Variants in CRY2 observed in about 807,000 individuals in gnomAD.
CRY2 encodes cryptochrome circadian regulator 2, also known as cryptochrome-2.
In CRY2, 31 loss-of-function variants were observed where a neutral mutation model predicts 69.5. That is an observed-to-expected ratio of 0.45 (90% CI 0.34 to 0.60). The LOEUF (loss-of-function observed/expected upper bound fraction) is 0.60, where lower values mean the gene tolerates loss of function less well. Among genes scored for constraint, CRY2 ranks in the 20% least tolerant of loss-of-function variants. The pLI, the probability that CRY2 is intolerant of heterozygous loss-of-function variation, is 0.02. For missense variants in CRY2, 606 were observed against 797.8 expected (o/e 0.76, Z 2.90); for synonymous variants, 303 against 312.2 (o/e 0.97, Z 0.31).
At chr11:45,870,689 C>G in intron 9 of CRY2, 153 bp from the exon 10 acceptor site, 1 of 1,110,608 alleles carries the variant, frequency 9.0e-7, no homozygotes, top group African/African-American at 1.5e-5. Flanking sequence ...CTGGGATGAA[C>G]TGGGCCTTCC....
chr11:45,852,583 C>T (rs566731497), intron 1 of CRY2, among the ~76,000 whole-genome samples: 3 of 152,314 alleles, frequency 2.0e-5, no homozygotes, highest in South Asian at 2.1e-4. Context: ...CTATTGCCTC[C>T]GTGTGGTGGC....
At position 45,882,265 on chromosome 11, in the gene CRY2, TGTGTGTGTGTGTGTGCGTGTGTGGTAC is replaced by T. The variant is rs1447256500; in HGVS notation, c.*1370_*1396del. 3 of 178,410 alleles carry T rather than the reference TGTGTGTGTGTGTGTGCGTGTGTGGTAC, an allele frequency of 1.7e-5. No homozygotes were observed. The highest frequency in any genetic ancestry group is 1.4e-4 in the East Asian group (1 of 7,004). 11.1% of individuals were successfully genotyped at this position (178,410 alleles called of 1,614,324 possible). The stretch of plus-strand genomic sequence containing the variant: ...TGTGGCCTGCACTTGAGCCACAAAG[TGTGTGTGTGTGTGTGCGTGTGTGGTAC>T]GTGTGTGTGTGTGTGGCTATGAGGC... On this transcript the variant is annotated 3_prime_UTR_variant, in exon 12 of 12. Coordinates refer to ENST00000616080, the MANE Select transcript of CRY2 (RefSeq NM_021117.5).
At chr11:45,852,301 G>C (rs531640687) in intron 1 of CRY2, among the ~76,000 whole-genome samples, 18 of 152,342 alleles carry the variant, frequency 1.2e-4, no homozygotes, top group Admixed American at 2.0e-4. Flanking sequence ...GCCCAGGCCA[G>C]TTTCCTTCAG....
chr11:45,855,860 C>A, intron 1 of CRY2, 122 bp from the exon 2 acceptor site: 1 of 849,482 alleles, frequency 1.2e-6, no homozygotes, highest in Admixed American at 1.8e-5. Flanking sequence ...GCCTCTCCAG[C>A]CCTAGTGATC....
chr11:45,847,681 C>T lies in CRY2; in HGVS notation c.191C>T (p.Ser64Phe), dbSNP rs772829598. Residue 64 changes from serine to phenylalanine, a missense_variant, in exon 1 of 12, where the codon TCC becomes TTC. Physicochemically the swap from Ser to Phe is radical, Grantham distance 155 (BLOSUM62 -2). Transcript: ENST00000616080. ...YILDPWFAAS[S>F]SVGINRWRFL... ...CTCGACCCGTGGTTCGCGGCCTCCT[C>T]CTCAGTCGGGATCAACCGATGGAGG... 7 of 1,582,036 alleles carry T rather than the reference C, an allele frequency of 4.4e-6. No homozygotes were observed. The African/African-American group carries it at 6.7e-5, about 15-fold the overall frequency.
At chr11:45,871,365 G>A (rs2086380729) in intron 10 of CRY2, among the ~76,000 whole-genome samples, 1 of 152,166 alleles carries the variant, frequency 6.6e-6, no homozygotes, top group East Asian at 1.9e-4. Flanking sequence ...GTGAGGAGCT[G>A]GAATGAGATG....
intron 1 of CRY2, among the ~76,000 whole-genome samples, chr11:45,847,941 G>C (rs913173015): frequency 1.3e-4 from 20 of 152,344 alleles, no homozygotes; most frequent in African/African-American, 3.6e-4. Flanking sequence ...GTGGAACGGA[G>C]ATCATGATCC....
At position 45,881,581 on chromosome 11, in the gene CRY2, TAC is replaced by T. The variant is rs1419141971; in HGVS notation, c.*676_*677del. 6.6e-6 allele frequency: 1 copy of T among 152,256 alleles called. No individual in the cohort carries two copies. The highest frequency in any genetic ancestry group is 1.5e-5 in the Non-Finnish European group (1 of 68,074). The allele number at this position is 152,256 out of a possible 1,614,324, so 9.4% of individuals were successfully genotyped here. A position where few individuals can be genotyped will look rare whatever the true frequency, so the allele number is the denominator to read the frequency against. On this transcript the variant is annotated 3_prime_UTR_variant, in exon 12 of 12. Coordinates refer to ENST00000616080, the MANE Select transcript of CRY2 (RefSeq NM_021117.5). ...AAAAGTTTCCACCACCCTACAGAAG[TAC>T]ACACAGATACCTGACTGGTGTGGGG...
intron 2 of CRY2, among the ~76,000 whole-genome samples, chr11:45,857,874 A>T (rs574943988): frequency 3.6e-4 from 55 of 152,356 alleles, no homozygotes; most frequent in African/African-American, 1.3e-3. Flanking sequence ...TGGCCCTGCT[A>T]AGGACCCAGT....
intron 11 of CRY2, among the ~76,000 whole-genome samples, chr11:45,876,539 G>A (rs2086426013): frequency 6.6e-6 from 1 of 152,176 alleles, no homozygotes; most frequent in African/African-American, 2.4e-5. Context: ...TCTCTCATTG[G>A]TCCAATTATT....
intron 1 of CRY2, among the ~76,000 whole-genome samples, chr11:45,853,259 G>A (rs1026982233): frequency 4.6e-5 from 7 of 152,152 alleles, no homozygotes; most frequent in South Asian, 4.1e-4. Context: ...GTAGAATAGT[G>A]CCTGTCATTG....
intron 1 of CRY2, among the ~76,000 whole-genome samples, 157 bp downstream of exon 1, chr11:45,847,862 G>A (rs2086164120): frequency 6.6e-6 from 1 of 152,238 alleles, no homozygotes; most frequent in Admixed American, 6.5e-5. Flanking sequence ...CTAACGCGCC[G>A]GTGGGCCAGG....
At chr11:45,872,922 C>A (rs2086397897) in intron 11 of CRY2, among the ~76,000 whole-genome samples, 1 of 152,190 alleles carries the variant, frequency 6.6e-6, no homozygotes. Flanking sequence ...CCTTGAGAAG[C>A]CTGGACAGAG....
intron 9 of CRY2, 93 bp downstream of exon 9, chr11:45,870,625 G>GA: frequency 6.9e-7 from 1 of 1,459,708 alleles, no homozygotes; most frequent in Non-Finnish European, 9.4e-7. Flanking sequence ...TGCAAAGGGA[G>GA]ACTGAGTGCT....
chr11:45,875,655 T>C (rs529489637), intron 11 of CRY2, among the ~76,000 whole-genome samples: 1 of 152,182 alleles, frequency 6.6e-6, no homozygotes, highest in Non-Finnish European at 1.5e-5. Flanking sequence ...ACTGTGAAGG[T>C]TGGGGGTGCA....
chr11:45,882,272 G>T lies in CRY2; in HGVS notation c.*1361G>T. 1 of 205,058 alleles carries T rather than the reference G, an allele frequency of 4.9e-6. No individual in the cohort carries two copies. The allele number at this position is 205,058 out of a possible 1,614,324, so 12.7% of individuals were successfully genotyped here. The stretch of plus-strand genomic sequence containing the variant: ...TGCACTTGAGCCACAAAGTGTGTGT[G>T]TGTGTGTGCGTGTGTGGTACGTGTG... On this transcript the variant is annotated 3_prime_UTR_variant, in exon 12 of 12. Coordinates refer to ENST00000616080, the MANE Select transcript of CRY2 (RefSeq NM_021117.5).
At chr11:45,849,984 A>AT (rs1231077215) in intron 1 of CRY2, among the ~76,000 whole-genome samples, 5 of 144,726 alleles carry the variant, frequency 3.5e-5, no homozygotes, top group Admixed American at 7.1e-5. Context: ...AGGTTTGGGG[A>AT]TTTTTTGTTT....
Position 45,882,930 on chromosome 11 carries a change from C to T in CRY2, c.*2019C>T. 1 of 385,710 alleles carries T rather than the reference C, an allele frequency of 2.6e-6. No homozygotes were observed. Among genetic ancestry groups the T allele is most frequent in the Non-Finnish European group, 4.6e-6 (1 of 218,322 alleles). 23.9% of individuals were successfully genotyped at this position (385,710 alleles called of 1,614,324 possible). A position where few individuals can be genotyped will look rare whatever the true frequency, so the allele number is the denominator to read the frequency against. ...TTCTCCACCATCCCTAGCATGTCAG[C>T]CCGTTCCCAGATCAACCTGCCAGTG... On this transcript the variant is annotated 3_prime_UTR_variant, in exon 12 of 12. Transcript: ENST00000616080.
chr11:45,859,713 A>T (rs979005321), intron 3 of CRY2, among the ~76,000 whole-genome samples: 2 of 151,978 alleles, frequency 1.3e-5, no homozygotes, highest in Admixed American at 1.3e-4. Context: ...GTGCTTTCAG[A>T]GATTCTAGGA....
Sources: gnomAD v4.1 joint callset for allele counts (sites outside exome capture counted in the v4.1 genomes callset) on GRCh38, gnomAD v4.1.1 for gene constraint, MANE v1.5 for transcripts, NCBI Gene and HGNC (gene_info 2026-07-23, HGNC 2026-07-21) for gene names.